TOP1MT: variants seen among roughly 807,000 people sequenced by gnomAD.
The protein encoded by TOP1MT is DNA topoisomerase I, mitochondrial.
In TOP1MT, 80 loss-of-function variants were observed where a neutral mutation model predicts 73.9. That is an observed-to-expected ratio of 1.08 (90% CI 0.90 to 1.30). The LOEUF (loss-of-function observed/expected upper bound fraction) is 1.30. Ranked by LOEUF, TOP1MT falls within the 50% of genes most tolerant of loss-of-function variation. TOP1MT has a pLI of 0.00. For synonymous variants in TOP1MT, 338 were observed against 326.4 expected, an observed-to-expected ratio of 1.04 and a Z score of -0.38; for missense variants, 815 against 808.0, an observed-to-expected ratio of 1.01 and a Z score of -0.10.
intron 7 of TOP1MT, 124 bp from the exon 8 acceptor site, chr8:143,321,510 C>CGG (rs1816359093): frequency 1.4e-6 from 1 of 731,914 alleles, no homozygotes; most frequent in African/African-American, 2.0e-5. Context: ...GCCACACACA[C>CGG]GCACTCCACA....
chr8:143,328,140 T>C, intron 3 of TOP1MT: 1 of 427,254 alleles, frequency 2.3e-6, no homozygotes, highest in South Asian at 1.7e-5. Context: ...TGAAAGATTT[T>C]TGCAAATCAT....
intron 12 of TOP1MT, chr8:143,310,511 A>G: frequency 3.4e-6 from 1 of 298,236 alleles, no homozygotes; most frequent in South Asian, 1.3e-4. Context: ...CGGCCCAAAC[A>G]GGATGAGGGC....
At chr8:143,355,407 G>A (rs1037882694) in intron 1 of TOP1MT, 5 of 152,160 alleles carry the variant, frequency 3.3e-5, no homozygotes, top group Admixed American at 1.3e-4. Context: ...AAAGCTAACC[G>A]TTTTTCCATC....
upstream of TOP1MT, among the ~76,000 whole-genome samples, chr8:143,357,856 G>C (rs1253367766): frequency 6.6e-6 from 1 of 152,054 alleles, no homozygotes; most frequent in Non-Finnish European, 1.5e-5. Context: ...GGGAGGCAGA[G>C]GTTGCAGTGA....
rs374591550 is a variant in TOP1MT, at chr8:143,324,147, A to C, written c.817-5T>G. ...CTTCTGCCAAGCTGTCTCCCCCTAA[A>C]CGAAGAAAATAACAGGAAAGAAAAC... On this transcript the variant is annotated splice_region_variant and splice_polypyrimidine_tract_variant and intron_variant, in intron 6 of 13. Coordinates refer to ENST00000329245, the MANE Select transcript of TOP1MT (RefSeq NM_052963.3). The C allele has an allele frequency of 1.5e-4, 236 of 1,612,664 alleles. No individual in the cohort carries two copies. The highest frequency in any genetic ancestry group is 2.0e-4 in the Non-Finnish European group (233 of 1,179,722).
rs528710771 is a variant in TOP1MT, at chr8:143,341,423, C to T, written c.29+1797G>A. 2.0e-5 allele frequency among the ~76,000 whole-genome samples: 3 copies of T among 152,268 alleles called. No homozygotes were observed. Among genetic ancestry groups the T allele is most frequent in the South Asian group, 2.1e-4 (1 of 4,828 alleles). On this transcript the variant is annotated intron_variant, in intron 2 of 5. Coordinates refer to the TOP1MT transcript ENST00000518007. The surrounding 1 kb of genome is among the most constrained non-coding windows in gnomAD (Gnocchi z 4.1). ...TCTTCATCTTGTCTGCAGGAACCTC[C>T]GTGTGGCCTTGGGACCTTGCCCAGA...
intron 4 of TOP1MT, 35 bp from the exon 5 acceptor site, chr8:143,325,568 T>C (rs754267323): frequency 1.3e-6 from 2 of 1,586,272 alleles, no homozygotes; most frequent in South Asian, 2.2e-5. Flanking sequence ...ACATTAGCAG[T>C]GAAGAGAAGA....
intron 10 of TOP1MT, among the ~76,000 whole-genome samples, chr8:143,317,442 A>C (rs370566202): frequency 2.6e-5 from 4 of 152,190 alleles, no homozygotes; most frequent in Non-Finnish European, 5.9e-5. Flanking sequence ...GAGCTGAGGA[A>C]CACCACCAGG....
At chr8:143,328,348 A>G (rs1368590259) in intron 3 of TOP1MT, 3 of 440,372 alleles carry the variant, frequency 6.8e-6, no homozygotes, top group African/African-American at 6.1e-5. Flanking sequence ...AAACTCCGAT[A>G]AATGAGCGAG....
intron 1 of TOP1MT, chr8:143,333,803 T>C (rs1443497988): frequency 6.6e-6 from 1 of 152,408 alleles, no homozygotes; most frequent in East Asian, 1.9e-4. Flanking sequence ...TACCTGCCTG[T>C]GCACCCTCGG....
intron 7 of TOP1MT, among the ~76,000 whole-genome samples, chr8:143,323,097 AAACACGCACGC>A (rs1196377216): frequency 3.1e-5 from 4 of 130,030 alleles, no homozygotes; most frequent in South Asian, 2.5e-4. Context: ...CAGGCATGCC[AAACACGCACGC>A]CACACATGCA....
At chr8:143,330,378 G>C (rs142602041) in intron 2 of TOP1MT, among the ~76,000 whole-genome samples, 1 of 152,338 alleles carries the variant, frequency 6.6e-6, no homozygotes, top group African/African-American at 2.4e-5. Flanking sequence ...GGGGCACAGC[G>C]CGAGACGCTC....
upstream of TOP1MT, among the ~76,000 whole-genome samples, chr8:143,358,922 G>A (rs1207367831): frequency 1.3e-5 from 2 of 152,174 alleles, no homozygotes; most frequent in East Asian, 1.9e-4. Flanking sequence ...CCATTAGCCG[G>A]TCTGGAGCAT....
At chr8:143,311,868 A>G (rs1274672380) in intron 12 of TOP1MT, among the ~76,000 whole-genome samples, 1 of 152,230 alleles carries the variant, frequency 6.6e-6, no homozygotes, top group African/African-American at 2.4e-5. Flanking sequence ...CCAGCCAGTT[A>G]GACACCCTAG....
At chr8:143,354,706 C>T (rs1461632868) in intron 1 of TOP1MT, among the ~76,000 whole-genome samples, 5 of 145,168 alleles carry the variant, frequency 3.4e-5, no homozygotes, top group African/African-American at 1.4e-4. Context: ...GAGTGAAACT[C>T]CATTTCAAAA....
chr8:143,358,442 C>T (rs1414546345), upstream of TOP1MT: 2 of 152,222 alleles, frequency 1.3e-5, no homozygotes, highest in Admixed American at 6.5e-5. Flanking sequence ...TCCTTCCACC[C>T]CATTCTCTAC....
intron 2 of TOP1MT, among the ~76,000 whole-genome samples, chr8:143,340,908 G>A (rs1019472459): frequency 1.3e-5 from 2 of 152,062 alleles, no homozygotes; most frequent in African/African-American, 2.4e-5. Context: ...CTCCTGGCCC[G>A]TAACTCTCCT....
intron 7 of TOP1MT, 109 bp downstream of exon 7, chr8:143,323,890 G>A (rs1172730810): frequency 2.9e-5 from 36 of 1,258,808 alleles, no homozygotes; most frequent in Non-Finnish European, 3.6e-5. Context: ...ATCAGAATGA[G>A]GTTCCACCCC....
intron 8 of TOP1MT, among the ~76,000 whole-genome samples, chr8:143,320,222 G>A (rs549494125): frequency 6.6e-6 from 1 of 152,096 alleles, no homozygotes; most frequent in Admixed American, 6.5e-5. Context: ...TCCGCCTCCT[G>A]GGTTCACGCC....
Sources: allele counts gnomAD v4.1 joint callset (sites outside exome capture counted in the v4.1 genomes callset), GRCh38; gene constraint gnomAD v4.1.1; non-coding constraint Gnocchi (gnomAD v3.1); transcripts MANE v1.5; gene names NCBI Gene and HGNC (gene_info 2026-07-23, HGNC 2026-07-21).